LRRC38: variants seen among roughly 807,000 people sequenced by gnomAD.
The protein encoded by LRRC38 is leucine-rich repeat-containing protein 38.
LRRC38 carries 5 observed loss-of-function variants against 16.4 expected under a neutral mutation model. That is an observed-to-expected ratio of 0.31 (90% CI 0.16 to 0.64). The LOEUF (loss-of-function observed/expected upper bound fraction) is 0.64, where lower values mean the gene tolerates loss of function less well. Ranked by LOEUF, LRRC38 falls within the 30% of genes least tolerant of loss-of-function variation. The pLI is 0.80. For missense variants in LRRC38, 341 were observed against 401.8 expected (o/e 0.85, Z 1.29); for synonymous variants, 191 against 190.2 (o/e 1.00, Z -0.04).
intron 1 of LRRC38, among the ~76,000 whole-genome samples, chr1:13,490,625 T>C (rs1639000416): frequency 1.3e-5 from 2 of 151,598 alleles, no homozygotes; most frequent in Non-Finnish European, 2.9e-5. Context: ...ACACTTCCTA[T>C]GAGTTGAGCC....
chr1:13,479,525 C>T (rs891207505), intron 1 of LRRC38, among the ~76,000 whole-genome samples: 24 of 152,232 alleles, frequency 1.6e-4, no homozygotes, highest in African/African-American at 5.3e-4. Flanking sequence ...TGCCTTGAGA[C>T]TCATCTTGGC....
intron 1 of LRRC38, among the ~76,000 whole-genome samples, chr1:13,502,045 A>G (rs1350498197): frequency 6.6e-6 from 1 of 150,706 alleles, no homozygotes; most frequent in African/African-American, 2.4e-5. Flanking sequence ...CTGCTGCCTC[A>G]GCCTCCCCAG....
At chr1:13,492,683 C>T (rs1323614423) in intron 1 of LRRC38, among the ~76,000 whole-genome samples, 1 of 151,710 alleles carries the variant, frequency 6.6e-6, no homozygotes, top group African/African-American at 2.4e-5. Flanking sequence ...GCCTGGGTGA[C>T]AGAGTGAGAC....
intron 1 of LRRC38, among the ~76,000 whole-genome samples, chr1:13,509,478 G>A (rs1030019037): frequency 2.0e-5 from 3 of 152,162 alleles, no homozygotes; most frequent in East Asian, 1.9e-4. Context: ...CAAACCCAGC[G>A]GCATATTCTC....
chr1:13,490,605 T>C (rs1639000202), intron 1 of LRRC38, among the ~76,000 whole-genome samples: 1 of 146,438 alleles, frequency 6.8e-6, no homozygotes, highest in South Asian at 2.4e-4. Context: ...CGCTCCATCA[T>C]CCAAAATAAA....
At chr1:13,497,479 A>G (rs1178968611) in intron 1 of LRRC38, among the ~76,000 whole-genome samples, 3 of 152,042 alleles carry the variant, frequency 2.0e-5, no homozygotes, top group African/African-American at 7.2e-5. Flanking sequence ...AGGGGCCACA[A>G]AATGTTCAGC....
chr1:13,491,001 C>T (rs1253278734), intron 1 of LRRC38, among the ~76,000 whole-genome samples: 6 of 152,218 alleles, frequency 3.9e-5, no homozygotes, highest in African/African-American at 1.2e-4. Context: ...TCTAGAAACT[C>T]CTGCTATTTA....
intron 1 of LRRC38, among the ~76,000 whole-genome samples, chr1:13,509,094 C>G (rs1293031733): frequency 6.6e-6 from 1 of 152,150 alleles, no homozygotes. Context: ...CTGTCTCCAC[C>G]CAGGAGACAG....
At chr1:13,476,756 G>A (rs1638793581) in intron 1 of LRRC38, among the ~76,000 whole-genome samples, 2 of 152,150 alleles carry the variant, frequency 1.3e-5, no homozygotes, top group Non-Finnish European at 2.9e-5. Flanking sequence ...TGGAGGTTGG[G>A]GCAGATGCAG....
chr1:13,497,491 A>G (rs773425966), intron 1 of LRRC38, among the ~76,000 whole-genome samples: 2 of 152,098 alleles, frequency 1.3e-5, no homozygotes, highest in African/African-American at 2.4e-5. Context: ...ATGTTCAGCA[A>G]CAAAGATCCT....
At chr1:13,477,354 A>C (rs2100486630) in intron 1 of LRRC38, among the ~76,000 whole-genome samples, 1 of 152,338 alleles carries the variant, frequency 6.6e-6, no homozygotes, top group East Asian at 1.9e-4. Context: ...TTTAGCTTAC[A>C]TTTTAGACAA....
At chr1:13,495,696 T>C (rs1311389428) in intron 1 of LRRC38, among the ~76,000 whole-genome samples, 1 of 152,176 alleles carries the variant, frequency 6.6e-6, no homozygotes, top group Admixed American at 6.5e-5. Context: ...AAGTGGTCAT[T>C]TGGACTCTGC....
At chr1:13,510,448 C>T (rs996353210) in intron 1 of LRRC38, among the ~76,000 whole-genome samples, 11 of 152,288 alleles carry the variant, frequency 7.2e-5, no homozygotes, top group South Asian at 4.2e-4. Flanking sequence ...GCACTGTTCT[C>T]GGTCCTTTAT....
intron 1 of LRRC38, among the ~76,000 whole-genome samples, chr1:13,505,936 C>CCGTCTGCGCTGTGGGAGGGAGCT (rs1553121255): frequency 6.7e-6 from 1 of 149,120 alleles, no homozygotes; most frequent in Non-Finnish European, 1.5e-5. Context: ...AAGGAGGGGC[C>CCGTCTGCGCTGTGGGAGGGAGCT]CGTCTGGGCT....
chr1:13,476,979 C>T (rs1451497844), intron 1 of LRRC38, among the ~76,000 whole-genome samples: 2 of 152,156 alleles, frequency 1.3e-5, no homozygotes, highest in Non-Finnish European at 2.9e-5. Context: ...GTGGTGTGTT[C>T]CTGTAATTCC....
At chr1:13,503,202 C>T (rs1249853954) in intron 1 of LRRC38, among the ~76,000 whole-genome samples, 2 of 152,058 alleles carry the variant, frequency 1.3e-5, no homozygotes, top group African/African-American at 4.8e-5. Flanking sequence ...CCACTGGTGG[C>T]CAGTGGGAGG....
chr1:13,513,529 A>G lies in LRRC38; in HGVS notation c.65T>C (p.Leu22Pro). 1 of 1,431,194 alleles carries G rather than the reference A, an allele frequency of 7.0e-7. No homozygotes were observed. 88.7% of individuals were successfully genotyped at this position (1,431,194 alleles called of 1,614,324 possible). ...ALGLCSLLLL[L>P]APGHACPAGC... is the part of the protein sequence containing the mutation. The stretch of plus-strand genomic sequence containing the variant: ...CGCGGGGCACGCGTGCCCGGGCGCG[A>G]GCAGCAGCAGAAGGCTGCAGAGCCC... Residue 22 changes from leucine to proline, a missense_variant, in exon 1 of 2, where the codon CTC (leucine) becomes CCC (proline). Coordinates refer to ENST00000376085, the MANE Select transcript of LRRC38 (RefSeq NM_001010847.2).
At chr1:13,510,487 A>C (rs1257549764) in intron 1 of LRRC38, among the ~76,000 whole-genome samples, 1 of 152,178 alleles carries the variant, frequency 6.6e-6, no homozygotes, top group Non-Finnish European at 1.5e-5. Flanking sequence ...CCTCCTAACA[A>C]GCCTAGAAGG....
intron 1 of LRRC38, 22 bp downstream of exon 1, chr1:13,512,941 C>A: frequency 2.0e-6 from 3 of 1,522,428 alleles, no homozygotes; most frequent in South Asian, 1.2e-5. Flanking sequence ...CTCCCTCCCC[C>A]AGCCTAGCCG....
Sources: gnomAD v4.1 joint callset for allele counts (sites outside exome capture counted in the v4.1 genomes callset) on GRCh38, gnomAD v4.1.1 for gene constraint, MANE v1.5 for transcripts, NCBI Gene and HGNC (gene_info 2026-07-23, HGNC 2026-07-21) for gene names.